CTNNA3: variants seen among roughly 807,000 people sequenced by gnomAD.
CTNNA3 encodes the protein catenin alpha-3.
In CTNNA3, 76 loss-of-function variants were observed where a neutral mutation model predicts 95.7. That is an observed-to-expected ratio of 0.79 (90% CI 0.66 to 0.96). The LOEUF (loss-of-function observed/expected upper bound fraction) is 0.96, where lower values mean the gene tolerates loss of function less well. Among genes scored for constraint, CTNNA3 ranks in the 40% least tolerant of loss-of-function variants. The pLI, the probability that CTNNA3 is intolerant of heterozygous loss-of-function variation, is 0.00. For synonymous variants in CTNNA3, 431 were observed against 374.4 expected, an observed-to-expected ratio of 1.15 and a Z score of -1.74; for missense variants, 1,191 against 1,089.8, an observed-to-expected ratio of 1.09 and a Z score of -1.31.
intron 9 of CTNNA3, among the ~76,000 whole-genome samples, chr10:66,686,895 GT>G (rs1377692494): frequency 3.9e-5 from 6 of 151,926 alleles, no homozygotes; most frequent in African/African-American, 1.5e-4. Flanking sequence ...AGTTGTTGTT[GT>G]TTTTTGTTTT....
intron 9 of CTNNA3, among the ~76,000 whole-genome samples, chr10:66,657,628 T>C (rs140976374): frequency 6.6e-6 from 1 of 152,334 alleles, no homozygotes; most frequent in East Asian, 1.9e-4. Flanking sequence ...CTGAGCAATG[T>C]ACTTGCACAC....
At chr10:66,952,143 C>T (rs748983125) in intron 7 of CTNNA3, among the ~76,000 whole-genome samples, 8 of 152,188 alleles carry the variant, frequency 5.3e-5, no homozygotes, top group Non-Finnish European at 7.3e-5. Flanking sequence ...GCAGAAATCA[C>T]GTCAACCACC....
chr10:66,254,367 A>C (rs1446955129), intron 13 of CTNNA3, among the ~76,000 whole-genome samples: 1 of 152,118 alleles, frequency 6.6e-6, no homozygotes, highest in Non-Finnish European at 1.5e-5. Flanking sequence ...TCATTGTGCA[A>C]CCCTTGCTGA....
chr10:66,228,997 T>C (rs555469781), intron 13 of CTNNA3, among the ~76,000 whole-genome samples: 3 of 152,310 alleles, frequency 2.0e-5, no homozygotes, highest in African/African-American at 7.2e-5. Context: ...ACTTTTTCCA[T>C]TCTTTGACTT....
chr10:65,926,159 T>C (rs2077166107), intron 17 of CTNNA3, among the ~76,000 whole-genome samples: 1 of 151,362 alleles, frequency 6.6e-6, no homozygotes, highest in Non-Finnish European at 1.5e-5. Flanking sequence ...TCAAATCACA[T>C]TTATAAGATC....
intron 7 of CTNNA3, among the ~76,000 whole-genome samples, chr10:67,101,737 A>G (rs914900008): frequency 5.2e-4 from 79 of 152,006 alleles, no homozygotes; most frequent in African/African-American, 1.9e-3. Context: ...TAGAAATAGT[A>G]AAATCTTTTT....
intron 7 of CTNNA3, among the ~76,000 whole-genome samples, chr10:66,788,212 A>G (rs1189176893): frequency 3.9e-5 from 6 of 152,112 alleles, no homozygotes; most frequent in Non-Finnish European, 8.8e-5. Flanking sequence ...CCTCCTTCCC[A>G]AGGGTCAACG....
At chr10:65,956,633 A>G (rs935760576) in intron 17 of CTNNA3, among the ~76,000 whole-genome samples, 2 of 152,114 alleles carry the variant, frequency 1.3e-5, no homozygotes, top group African/African-American at 2.4e-5. Context: ...TTCTGCCTTC[A>G]TTTTGTTATA....
intron 7 of CTNNA3, among the ~76,000 whole-genome samples, chr10:66,957,468 A>G (rs572455466): frequency 1.7e-5 from 2 of 117,834 alleles, no homozygotes; most frequent in African/African-American, 6.1e-5. Context: ...ATATATATAT[A>G]TGTTTGATCC....
intron 7 of CTNNA3, among the ~76,000 whole-genome samples, chr10:67,121,288 C>G (rs1172356811): frequency 1.3e-5 from 2 of 151,548 alleles, no homozygotes; most frequent in Non-Finnish European, 2.9e-5. Flanking sequence ...TAGTTATCAG[C>G]TTTGTAAGAA....
At chr10:66,749,381 T>TCACTATCC (rs1278111753) in intron 9 of CTNNA3, among the ~76,000 whole-genome samples, 4 of 152,084 alleles carry the variant, frequency 2.6e-5, no homozygotes, top group African/African-American at 7.2e-5. Context: ...CTCTCCCTCT[T>TCACTATCC]CACTATCCCC....
chr10:66,407,825 C>T lies in CTNNA3; in HGVS notation c.1532-28473G>A, dbSNP rs372250520. Reference sequence around the variant, plus strand: ...CGATCTCCTGACCTTGCGATCCACCCGCCCTGGCCTCCCAAAGTGCTGGGA... The same window carrying T: ...CGATCTCCTGACCTTGCGATCCACCTGCCCTGGCCTCCCAAAGTGCTGGGA... On this transcript the variant is annotated intron_variant, in intron 11 of 17. Coordinates refer to ENST00000433211, the MANE Select transcript of CTNNA3 (RefSeq NM_013266.4). 2.3e-3 allele frequency among the ~76,000 whole-genome samples: 348 copies of T among 152,286 alleles called. 2 individuals are homozygous for T. Among genetic ancestry groups the T allele is most frequent in the South Asian group, 0.021 (101 of 4,830 alleles).
intron 7 of CTNNA3, among the ~76,000 whole-genome samples, chr10:67,072,307 C>T (rs1179630591): frequency 6.6e-6 from 1 of 152,230 alleles, no homozygotes; most frequent in East Asian, 1.9e-4. Flanking sequence ...TCTTTTCCTT[C>T]ACTTTTTTTA....
intron 12 of CTNNA3, among the ~76,000 whole-genome samples, chr10:66,340,626 T>G (rs2092443836): frequency 6.6e-6 from 1 of 151,816 alleles, no homozygotes; most frequent in Non-Finnish European, 1.5e-5. Flanking sequence ...ATTGCAGTAA[T>G]TATGGTTATT....
intron 5 of CTNNA3, among the ~76,000 whole-genome samples, chr10:67,351,731 T>C (rs1272258167): frequency 6.6e-6 from 1 of 151,980 alleles, no homozygotes; most frequent in African/African-American, 2.4e-5. Flanking sequence ...TGTGACTTCC[T>C]GTTATGTTAA....
chr10:66,464,312 T>C (rs1254869482), intron 11 of CTNNA3, among the ~76,000 whole-genome samples: 2 of 152,092 alleles, frequency 1.3e-5, no homozygotes, highest in African/African-American at 4.8e-5. Flanking sequence ...TCCTGCTAGG[T>C]TTAATGCTAC....
intron 3 of CTNNA3, among the ~76,000 whole-genome samples, chr10:67,591,447 T>A (rs1490746803): frequency 6.6e-6 from 1 of 152,066 alleles, no homozygotes; most frequent in Non-Finnish European, 1.5e-5. Context: ...ATAAATGAGA[T>A]GATCAAGAAA....
chr10:66,935,622 A>G (rs1007720486), intron 7 of CTNNA3, among the ~76,000 whole-genome samples: 1 of 151,972 alleles, frequency 6.6e-6, no homozygotes, highest in Non-Finnish European at 1.5e-5. Flanking sequence ...TATGTTGTAC[A>G]TGCCTAAAAA....
chr10:67,085,424 A>C (rs919022714), intron 7 of CTNNA3, among the ~76,000 whole-genome samples: 1 of 151,940 alleles, frequency 6.6e-6, no homozygotes, highest in Non-Finnish European at 1.5e-5. Flanking sequence ...AAAGTAAAAA[A>C]CATAGGTAAG....
Sources: gnomAD v4.1 joint callset for allele counts (sites outside exome capture counted in the v4.1 genomes callset) on GRCh38, gnomAD v4.1.1 for gene constraint, MANE v1.5 for transcripts, NCBI Gene and HGNC (gene_info 2026-07-23, HGNC 2026-07-21) for gene names.